The following FANCI variants were observed in gnomAD, a reference collection of about 807,000 sequenced individuals.
The protein encoded by FANCI is Fanconi anemia group I protein.
In FANCI, 156 loss-of-function variants were observed where a neutral mutation model predicts 176.1. The observed-to-expected ratio is 0.89, with a 90% CI of 0.78 to 1.01. The LOEUF (loss-of-function observed/expected upper bound fraction) is 1.01. Ranked by LOEUF, FANCI falls within the 50% of genes least tolerant of loss-of-function variation. FANCI has a pLI of 0.00. For synonymous variants in FANCI, 613 were observed against 541.7 expected, an observed-to-expected ratio of 1.13 and a Z score of -1.83; for missense variants, 1,678 against 1,534.1, an observed-to-expected ratio of 1.09 and a Z score of -1.57.
chr15:89,246,718 T>C (rs2051990172), intron 1 of FANCI, among the ~76,000 whole-genome samples: 1 of 152,016 alleles, frequency 6.6e-6, no homozygotes, highest in South Asian at 2.1e-4. Flanking sequence ...GTTACATCTT[T>C]TACCTTGTTA....
intron 20 of FANCI, among the ~76,000 whole-genome samples, chr15:89,292,118 G>C (rs1050254761): frequency 6.6e-6 from 1 of 152,168 alleles, no homozygotes; most frequent in Non-Finnish European, 1.5e-5. Flanking sequence ...TGAACCTTCA[G>C]AGGAGCTAGG....
At chr15:89,294,562 GC>G (rs1366922018) in intron 23 of FANCI, among the ~76,000 whole-genome samples, 2 of 151,812 alleles carry the variant, frequency 1.3e-5, no homozygotes, top group African/African-American at 4.8e-5. Flanking sequence ...TCCAGCCTGG[GC>G]AACAAGAACA....
In FANCI at chr15:89,285,150, C is replaced by A. The variant is rs577385367; in HGVS notation, c.1753C>A (p.Leu585Ile). The stretch of plus-strand genomic sequence containing the variant: ...TTCTGTCGCCAATGAAACTTTTTGC[C>A]TTGAGATCATGGATAGTTTGAGGAG... ...YNSVANETFC[L>I]EIMDSLRRCL... The change falls in exon 18 of 38, where the codon CTT (leucine) becomes ATT (isoleucine). Residue 585 changes from leucine to isoleucine, a missense_variant. By Grantham distance (5) the Leu-to-Ile change is conservative. Around this residue, in one of 3 missense-constraint regions of FANCI, gnomAD observed 1,204 missense variants for 1,077.4 expected, o/e 1.12. Transcript: ENST00000310775. 13 of 1,614,110 alleles carry A rather than the reference C, an allele frequency of 8.1e-6. No individual in the cohort carries two copies. Among genetic ancestry groups the A allele is most frequent in the Non-Finnish European group, 1.1e-5 (13 of 1,180,020 alleles).
At chr15:89,309,755 A>G (rs191826269) in intron 34 of FANCI, among the ~76,000 whole-genome samples, 1 of 152,338 alleles carries the variant, frequency 6.6e-6, no homozygotes, top group African/African-American at 2.4e-5. Flanking sequence ...TTCCAACAGT[A>G]TGTTCATTAG....
At chr15:89,281,928 A>C in intron 16 of FANCI, 93 bp downstream of exon 16, 1 of 1,144,142 alleles carries the variant, frequency 8.7e-7, no homozygotes, top group Non-Finnish European at 1.3e-6. Context: ...ACCTGTTCAC[A>C]GTGATCATGA....
intron 34 of FANCI, chr15:89,308,083 A>G (rs1008911228): frequency 2.7e-6 from 3 of 1,126,702 alleles, no homozygotes; most frequent in East Asian, 1.3e-4. Flanking sequence ...AAGTGGAAGG[A>G]CGTGGCTTTG....
At chr15:89,304,402 G>C (rs2054635129) in intron 28 of FANCI, among the ~76,000 whole-genome samples, 1 of 152,300 alleles carries the variant, frequency 6.6e-6, no homozygotes, top group Non-Finnish European at 1.5e-5. Context: ...AAAGAAGCCA[G>C]ACACAAGAAA....
intron 10 of FANCI, 137 bp from the exon 11 acceptor site, chr15:89,273,240 G>T (rs2053266783): frequency 1.7e-6 from 1 of 602,454 alleles, no homozygotes; most frequent in Admixed American, 2.8e-5. Flanking sequence ...GGAAATCAAG[G>T]CTGCAGTGAG....
chr15:89,274,599 CTTTTTTTTTTT>C lies in FANCI; in HGVS notation c.1112+308_1112+318del, dbSNP rs1157910630. 1.8e-4 allele frequency among the ~76,000 whole-genome samples: 15 copies of C among 82,834 alleles called. No individual in the cohort carries two copies. In the East Asian group the frequency reaches 5.1e-3, roughly 28 times the overall value. 54.3% of individuals were successfully genotyped at this position (82,834 alleles called of 152,430 possible). A position where few individuals can be genotyped will look rare whatever the true frequency, so the allele number is the denominator to read the frequency against. On this transcript the variant is annotated intron_variant, in intron 12 of 37. Coordinates refer to ENST00000310775, the MANE Select transcript of FANCI (RefSeq NM_001113378.2). The stretch of plus-strand genomic sequence containing the variant: ...TCTCTATTTTCCTTTTCTTTCTTTC[CTTTTTTTTTTT>C]TTTTTTTTTTTTGAGACAGAGTCTC...
Position 89,305,208 on chromosome 15 carries a change from A to G in FANCI, c.3152A>G (p.Gln1051Arg). 6.2e-7 allele frequency: 1 copy of G among 1,614,236 alleles called. No individual in the cohort carries two copies. Among genetic ancestry groups the G allele is most frequent in the Non-Finnish European group, 8.5e-7 (1 of 1,180,048 alleles). The part of the protein sequence containing the change: ...SPVILLRDLS[Q>R]DIHGHLGDID... ...GTCATTCTGCTGCGTGACTTGTCCC[A>G]GGATATCCACGGGCATCTGGGAGAT... Residue 1051 changes from glutamine (Q) to arginine (R), a missense_variant, in exon 29 of 38, where the codon CAG (glutamine) becomes CGG (arginine). Transcript: ENST00000310775.
intron 12 of FANCI, 38 bp from the exon 13 acceptor site, chr15:89,276,673 A>G (rs773013281): frequency 1.9e-6 from 3 of 1,609,794 alleles, no homozygotes; most frequent in African/African-American, 2.7e-5. Flanking sequence ...ATATCTCACT[A>G]AGTTTTTCTT....
chr15:89,266,663 A>G (rs1361302659), intron 9 of FANCI, among the ~76,000 whole-genome samples: 1 of 147,616 alleles, frequency 6.8e-6, no homozygotes, highest in African/African-American at 2.5e-5. Context: ...TTTTCTAGAG[A>G]TGGTCTCACT....
At chr15:89,257,358 G>A (rs933922702) in intron 2 of FANCI, among the ~76,000 whole-genome samples, 32 of 152,144 alleles carry the variant, frequency 2.1e-4, no homozygotes, top group Admixed American at 2.1e-3. Flanking sequence ...TCACAAATTG[G>A]GTAGCTTAAA....
At position 89,305,149 on chromosome 15, in the gene FANCI, GC is replaced by G. The variant is rs1567173729; in HGVS notation, c.3094del (p.Leu1032SerfsTer29). 2.5e-6 allele frequency: 4 copies of G among 1,614,160 alleles called. No individual in the cohort carries two copies. The highest frequency in any genetic ancestry group is 3.4e-6 in the Non-Finnish European group (4 of 1,180,022). On this transcript the variant is annotated frameshift_variant, in exon 29 of 38. Coordinates refer to ENST00000310775, the MANE Select transcript of FANCI (RefSeq NM_001113378.2). LOFTEE classifies it high-confidence loss of function. ...TGTTTTGCAAGAGCTTGATGAACTT[GC>G]TCTTCAGCCTGCATGTTTCGTATAA... ...ALFCKSLMNLLFSLHVSYKSP... is the reference protein window; with the variant it reads ...ALFCKSLMNLXFSLHVSYKSP...
intron 2 of FANCI, among the ~76,000 whole-genome samples, chr15:89,248,157 A>G (rs2052073171): frequency 6.6e-6 from 1 of 152,236 alleles, no homozygotes; most frequent in Non-Finnish European, 1.5e-5. Context: ...TGAAATTATT[A>G]GTAAAAATTA....
Position 89,263,334 on chromosome 15 carries a change from C to T in FANCI, c.504-85C>T, listed in dbSNP as rs575977542. ...TATTGCAAAATCAAACTTGAATTGG[C>T]CCTGTTTTTTTGTCCTCATTAATTT... On this transcript the variant is annotated intron_variant, in intron 6 of 37. Transcript: ENST00000310775. 394 of 1,076,230 alleles carry T rather than the reference C, an allele frequency of 3.7e-4. 1 individual carries two copies. The African/African-American group carries it at 4.6e-3, about 13-fold the overall frequency. 66.7% of individuals were successfully genotyped at this position (1,076,230 alleles called of 1,614,324 possible). A position where few individuals can be genotyped will look rare whatever the true frequency, so the allele number is the denominator to read the frequency against.
At chr15:89,257,255 A>C (rs1388063397) in intron 2 of FANCI, among the ~76,000 whole-genome samples, 1 of 152,126 alleles carries the variant, frequency 6.6e-6, no homozygotes, top group African/African-American at 2.4e-5. Context: ...CAAACTAAGG[A>C]ATTTCTATTC....
chr15:89,268,053 G>A lies in FANCI; in HGVS notation c.756-346G>A, dbSNP rs143064113. 4.8e-4 allele frequency among the ~76,000 whole-genome samples: 73 copies of A among 152,330 alleles called. No homozygotes were observed. The East Asian group carries it at 0.012, about 25-fold the overall frequency. On this transcript the variant is annotated intron_variant, in intron 9 of 37. Transcript: ENST00000310775. ...GCTTGAGTTGGTCTACTTGCTCATC[G>A]TAGCACCTGTCCTTGTCTCTCACTC... is the stretch of plus-strand genomic sequence containing the variant.
At chr15:89,280,938 T>C (rs1261732177) in intron 14 of FANCI, among the ~76,000 whole-genome samples, 1 of 152,188 alleles carries the variant, frequency 6.6e-6, no homozygotes, top group East Asian at 1.9e-4. Flanking sequence ...CTTCCTTTCT[T>C]TTAGGCAGTT....
Sources: allele counts gnomAD v4.1 joint callset (sites outside exome capture counted in the v4.1 genomes callset), GRCh38; gene constraint gnomAD v4.1.1; regional missense constraint gnomAD v4.1.1; transcripts MANE v1.5; gene names NCBI Gene and HGNC (gene_info 2026-07-23, HGNC 2026-07-21).